Variants in MLIP observed in about 807,000 individuals in gnomAD.
MLIP encodes muscular LMNA interacting protein.
MLIP carries 79 observed loss-of-function variants against 84.8 expected under a neutral mutation model. The observed-to-expected ratio is 0.93, with a 90% CI of 0.78 to 1.12. The LOEUF (loss-of-function observed/expected upper bound fraction) is 1.12. Among genes scored for constraint, MLIP ranks in the 50% most tolerant of loss-of-function variants. The pLI, the probability that MLIP is intolerant of heterozygous loss-of-function variation, is 0.00. For missense variants in MLIP, 1,257 were observed against 1,160.6 expected (o/e 1.08, Z -1.21); for synonymous variants, 504 against 463.0 (o/e 1.09, Z -1.14).
chr6:54,224,533 G>T (rs189784794), intron 11 of MLIP, among the ~76,000 whole-genome samples: 3 of 152,060 alleles, frequency 2.0e-5, no homozygotes, highest in Non-Finnish European at 2.9e-5. Context: ...GCTTAACGAT[G>T]GAAATACATT....
chr6:54,130,486 C>G (rs1345462815), intron 3 of MLIP, among the ~76,000 whole-genome samples: 1 of 152,112 alleles, frequency 6.6e-6, no homozygotes, highest in Non-Finnish European at 1.5e-5. Flanking sequence ...AGACCCTCTT[C>G]AAGGAGAAAC....
At chr6:54,109,564 T>TC (rs1769266562), upstream of MLIP, among the ~76,000 whole-genome samples, 2 of 151,874 alleles carry the variant, frequency 1.3e-5, no homozygotes, top group Non-Finnish European at 2.9e-5. Flanking sequence ...GCCCTCTCTC[T>TC]TTGCTTGAAA....
intron 1 of MLIP, among the ~76,000 whole-genome samples, chr6:54,062,438 A>T (rs1582058171): frequency 1.3e-5 from 2 of 152,334 alleles, no homozygotes; most frequent in East Asian, 3.9e-4. Flanking sequence ...CTCTCCACAG[A>T]CTATACATAA....
intron 1 of MLIP, among the ~76,000 whole-genome samples, chr6:54,043,111 A>T (rs1764838649): frequency 6.6e-6 from 1 of 152,200 alleles, no homozygotes; most frequent in African/African-American, 2.4e-5. Context: ...TCCTACAAAC[A>T]TCCTCGAACC....
intron 11 of MLIP, chr6:54,215,283 A>G: frequency 6.8e-7 from 1 of 1,471,128 alleles, no homozygotes. Flanking sequence ...AAAGACGATG[A>G]TAGAATTCAA....
chr6:54,047,884 A>G (rs373180010), intron 1 of MLIP, among the ~76,000 whole-genome samples: 3 of 152,118 alleles, frequency 2.0e-5, no homozygotes, highest in Non-Finnish European at 2.9e-5. Flanking sequence ...GAGATGAAAT[A>G]TTTTTTCCAA....
At chr6:54,165,303 A>G (rs948887214) in intron 8 of MLIP, among the ~76,000 whole-genome samples, 1 of 151,866 alleles carries the variant, frequency 6.6e-6, no homozygotes. Context: ...ACCTCTGCTT[A>G]TGGTATATTC....
intron 11 of MLIP, among the ~76,000 whole-genome samples, chr6:54,219,370 C>CTTT (rs5876371): frequency 1.2e-4 from 9 of 77,506 alleles, no homozygotes; most frequent in South Asian, 4.2e-4. Context: ...ACATTTTAAA[C>CTTT]TTTTTTTTTT....
intron 12 of MLIP, among the ~76,000 whole-genome samples, chr6:54,238,415 A>C (rs1250842681): frequency 6.6e-6 from 1 of 152,116 alleles, no homozygotes; most frequent in African/African-American, 2.4e-5. Flanking sequence ...CAGTATTCCC[A>C]CTTAATTACT....
At position 54,254,742 on chromosome 6, in the gene MLIP, C is replaced by CCTT. The variant is rs1782876532; in HGVS notation, c.2923-2565_2923-2564insTTC. Among the ~76,000 whole-genome samples the CCTT allele has an allele frequency of 8.4e-4, 105 of 125,104 alleles. 1 individual carries two copies. The highest frequency in any genetic ancestry group is 3.1e-3 in the African/African-American group (95 of 30,318). The allele number at this position is 125,104 out of a possible 152,430, so 82.1% of individuals were successfully genotyped here. A position where few individuals can be genotyped will look rare whatever the true frequency, so the allele number is the denominator to read the frequency against. On this transcript the variant is annotated intron_variant, in intron 12 of 13. Transcript: ENST00000502396. ...TAGAATCTTCTTTTTTTTTCTCCCT[C>CCTT]CCTTCCTTCCTTCCTTCCTTCCTTC...
chr6:54,109,981 T>G (rs1481621175), upstream of MLIP, among the ~76,000 whole-genome samples: 1 of 26,042 alleles, frequency 3.8e-5, no homozygotes, highest in Non-Finnish European at 8.7e-5. Context: ...TCCTTTCGTT[T>G]TTTCTTTTTC....
At chr6:54,177,040 C>T (rs1004087542) in intron 9 of MLIP, among the ~76,000 whole-genome samples, 1 of 152,054 alleles carries the variant, frequency 6.6e-6, no homozygotes, top group Non-Finnish European at 1.5e-5. Context: ...ACACCTTATA[C>T]AAAAATTAAC....
chr6:54,046,291 T>A (rs1765047838), intron 1 of MLIP: 1 of 152,050 alleles, frequency 6.6e-6, no homozygotes, highest in Non-Finnish European at 1.5e-5. Context: ...TTTGGACTGT[T>A]ATTTCTAATG....
chr6:54,218,997 A>T (rs1009153002), intron 11 of MLIP, among the ~76,000 whole-genome samples: 1 of 147,444 alleles, frequency 6.8e-6, no homozygotes, highest in African/African-American at 2.6e-5. Context: ...AGGTCAGGAG[A>T]TGAAGACCAT....
chr6:54,159,453 G>A (rs1774385079), intron 5 of MLIP, among the ~76,000 whole-genome samples: 1 of 152,050 alleles, frequency 6.6e-6, no homozygotes, highest in Non-Finnish European at 1.5e-5. Flanking sequence ...CTCTGGATAA[G>A]AATATAAAAA....
chr6:54,026,714 A>AGTGTGT (rs61442646), intron 1 of MLIP, among the ~76,000 whole-genome samples: 1,923 of 149,850 alleles, frequency 0.013, 17 homozygotes, highest in South Asian at 0.031. Context: ...CTGTGTCTTC[A>AGTGTGT]GTGTGTGTGT....
chr6:54,225,501 T>C (rs1181153947), intron 11 of MLIP, among the ~76,000 whole-genome samples: 1 of 152,224 alleles, frequency 6.6e-6, no homozygotes, highest in South Asian at 2.1e-4. Context: ...CAGAGAGTTG[T>C]AGACTATAGT....
intron 12 of MLIP, among the ~76,000 whole-genome samples, chr6:54,254,977 G>T (rs1225190901): frequency 6.6e-6 from 1 of 152,016 alleles, no homozygotes; most frequent in Non-Finnish European, 1.5e-5. Context: ...ATTAAGCTCA[G>T]ACTCCTCATC....
intron 1 of MLIP, among the ~76,000 whole-genome samples, chr6:54,048,553 C>G (rs1321645229): frequency 1.3e-5 from 2 of 152,140 alleles, no homozygotes; most frequent in African/African-American, 4.8e-5. Flanking sequence ...TCGATCTACT[C>G]TATTCGAAAG....
Sources: allele counts gnomAD v4.1 joint callset (sites outside exome capture counted in the v4.1 genomes callset), GRCh38; gene constraint gnomAD v4.1.1; transcripts MANE v1.5; gene names NCBI Gene and HGNC (gene_info 2026-07-23, HGNC 2026-07-21).